The following FLI1 variants were observed in gnomAD, a reference collection of about 807,000 sequenced individuals.
The protein encoded by FLI1 is Fli-1 proto-oncogene, ETS transcription factor.
A neutral mutation model predicts 53.1 loss-of-function variants in FLI1; 13 were observed. That is an observed-to-expected ratio of 0.24 (90% CI 0.16 to 0.39). FLI1 has a LOEUF of 0.39. FLI1 is among the 10% of genes least tolerant of loss of function. FLI1 has a pLI of 1.00. For synonymous variants in FLI1, 244 were observed against 236.7 expected, an observed-to-expected ratio of 1.03 and a Z score of -0.28; for missense variants, 424 against 600.5, an observed-to-expected ratio of 0.71 and a Z score of 3.07.
chr11:128,799,976 A>G lies in FLI1; in HGVS notation c.656-5390A>G, dbSNP rs80097119. Reference sequence around the variant, plus strand: ...ACGTCATAACCTGTCGGACAGCCCAACAACAAAGACCGCCGCTCACCTGCA... The same window carrying G: ...ACGTCATAACCTGTCGGACAGCCCAGCAACAAAGACCGCCGCTCACCTGCA... On this transcript the variant is annotated intron_variant, in intron 5 of 8. Coordinates refer to ENST00000527786, the MANE Select transcript of FLI1 (RefSeq NM_002017.5). Among the ~76,000 whole-genome samples, 1,217 of 152,280 alleles carry G rather than the reference A, an allele frequency of 8.0e-3. 11 individuals are homozygous for G. The highest frequency in any genetic ancestry group is 0.028 in the African/African-American group (1,175 of 41,550).
Position 128,809,153 on chromosome 11 carries a change from T to G in FLI1, c.782-4T>G, listed in dbSNP as rs1942867380. On this transcript the variant is annotated splice_polypyrimidine_tract_variant and splice_region_variant and intron_variant, in intron 7 of 8. Transcript: ENST00000527786. Reference sequence around the variant, plus strand: ...GAAGCAAATTTCCTTTTTTATTTCCTTAGATCCGTATCAGATCCTGGGCCC... The same window carrying G: ...GAAGCAAATTTCCTTTTTTATTTCCGTAGATCCGTATCAGATCCTGGGCCC... 1.9e-6 allele frequency: 3 copies of G among 1,613,602 alleles called. No homozygotes were observed. The Admixed American group carries it at 5.0e-5, about 27-fold the overall frequency.
intron 1 of FLI1, among the ~76,000 whole-genome samples, chr11:128,737,531 A>G (rs1020301553): frequency 6.6e-6 from 1 of 152,224 alleles, no homozygotes; most frequent in African/African-American, 2.4e-5. Flanking sequence ...TGTGAACAAG[A>G]CATTTCTATT....
At chr11:128,764,788 G>A (rs976210560) in intron 2 of FLI1, 5 of 1,593,628 alleles carry the variant, frequency 3.1e-6, no homozygotes, top group Non-Finnish European at 4.2e-6. Context: ...GGAGCTGCAA[G>A]AATGGAGGGA....
intron 8 of FLI1, 111 bp downstream of exon 8, chr11:128,809,315 C>T: frequency 4.5e-6 from 4 of 897,310 alleles, no homozygotes; most frequent in Admixed American, 1.9e-5. Flanking sequence ...GTAACATGCA[C>T]GTCTTTCCTT....
rs1295929600 is a variant in FLI1, at chr11:128,772,937, C to T, written c.541C>T (p.Leu181Phe). 13 of 1,613,888 alleles carry T rather than the reference C, an allele frequency of 8.1e-6. No individual in the cohort carries two copies. Among genetic ancestry groups the T allele is most frequent in the Non-Finnish European group, 1.0e-5 (12 of 1,179,908 alleles). Residue 181 changes from leucine to phenylalanine, a missense_variant, in exon 4 of 9, where the codon CTC becomes TTC. Physicochemically the swap from Leu to Phe is conservative, Grantham distance 22. This residue lies in a region of FLI1 where 114 missense variants were observed against 117.9 expected (regional missense o/e 0.97). Transcript: ENST00000527786. ...NKEDFLRATTLYNTEVLLSHL... is the reference protein window; with the variant it reads ...NKEDFLRATTFYNTEVLLSHL... ...GGAGGACTTCCTCCGCGCCACCACCCTCTACAACACGGAAGTGCTGTTGTC... is the reference window on the plus strand; with the variant it reads ...GGAGGACTTCCTCCGCGCCACCACCTTCTACAACACGGAAGTGCTGTTGTC...
At chr11:128,765,622 G>C (rs1941310593) in intron 2 of FLI1, among the ~76,000 whole-genome samples, 1 of 152,144 alleles carries the variant, frequency 6.6e-6, no homozygotes, top group African/African-American at 2.4e-5. Flanking sequence ...GTGCAGTGTG[G>C]AGCCCACCTC....
chr11:128,784,185 A>G (rs918579069), intron 5 of FLI1, among the ~76,000 whole-genome samples: 4 of 149,990 alleles, frequency 2.7e-5, no homozygotes, highest in Non-Finnish European at 5.9e-5. Context: ...TAGTTTAGAA[A>G]CTGGTTTAGC....
chr11:128,687,293 G>A (rs1357630977), intron 1 of FLI1, among the ~76,000 whole-genome samples: 1 of 151,734 alleles, frequency 6.6e-6, no homozygotes, highest in Non-Finnish European at 1.5e-5. Context: ...TTCCACAACA[G>A]TTTCCAAGAA....
chr11:128,694,382 C>A, intron 1 of FLI1, 106 bp downstream of exon 1: 1 of 894,556 alleles, frequency 1.1e-6, no homozygotes, highest in Non-Finnish European at 1.5e-6. Flanking sequence ...GCCTCTCTCC[C>A]TTCCCTCCGC....
At chr11:128,713,697 G>A (rs1938886981) in intron 1 of FLI1, among the ~76,000 whole-genome samples, 1 of 152,078 alleles carries the variant, frequency 6.6e-6, no homozygotes, top group African/African-American at 2.4e-5. Context: ...TGCCTCGGGA[G>A]GGCACAACGT....
chr11:128,787,962 A>G (rs1942146858), intron 5 of FLI1, among the ~76,000 whole-genome samples: 2 of 151,716 alleles, frequency 1.3e-5, no homozygotes, highest in Non-Finnish European at 1.5e-5. Context: ...GCCCGCCACC[A>G]CGCCCAGCTA....
intron 1 of FLI1, among the ~76,000 whole-genome samples, chr11:128,740,528 C>A (rs1940090234): frequency 6.6e-6 from 1 of 152,202 alleles, no homozygotes; most frequent in Non-Finnish European, 1.5e-5. Context: ...ACTTTTTCCC[C>A]CACTTGCCCT....
At position 128,810,258 on chromosome 11, in the gene FLI1, C is replaced by T. The variant is rs10488706; in HGVS notation, c.830-201C>T. Among the ~76,000 whole-genome samples the T allele has an allele frequency of 0.064, 9,692 of 151,808 alleles. 457 individuals carry two copies. The highest frequency in any genetic ancestry group is 0.17 in the East Asian group (890 of 5,118). On this transcript the variant is annotated intron_variant, in intron 8 of 8. Transcript: ENST00000527786. This position sits in a 1 kb window ranked among gnomAD's most constrained non-coding sequence, Gnocchi z 6.6. Reference sequence around the variant, plus strand: ...GGCAAAGCATCTTAGGATCTAACCTCGCTTATTATACCCATCTCCAAGGCA... The same window carrying T: ...GGCAAAGCATCTTAGGATCTAACCTTGCTTATTATACCCATCTCCAAGGCA...
At chr11:128,782,492 C>T (rs1362008385) in intron 5 of FLI1, among the ~76,000 whole-genome samples, 2 of 152,056 alleles carry the variant, frequency 1.3e-5, no homozygotes, top group Non-Finnish European at 2.9e-5. Context: ...GTCAGGAGTT[C>T]GAAGCCCAGC....
chr11:128,721,168 T>C (rs1428071102), intron 1 of FLI1, among the ~76,000 whole-genome samples: 1 of 152,192 alleles, frequency 6.6e-6, no homozygotes, highest in East Asian at 1.9e-4. Context: ...CTCACCCCTG[T>C]AGGATGCACC....
chr11:128,731,386 G>A (rs1939692143), intron 1 of FLI1, among the ~76,000 whole-genome samples: 1 of 152,154 alleles, frequency 6.6e-6, no homozygotes, highest in African/African-American at 2.4e-5. Flanking sequence ...ACACCAGCGA[G>A]CCAGTGTGCT....
intron 1 of FLI1, among the ~76,000 whole-genome samples, chr11:128,712,552 C>T (rs1268266062): frequency 1.3e-5 from 2 of 152,144 alleles, no homozygotes; most frequent in East Asian, 3.8e-4. Flanking sequence ...CTTACAGTTC[C>T]ACATGGCTAG....
chr11:128,688,668 A>G (rs573966202), intron 1 of FLI1, among the ~76,000 whole-genome samples: 1 of 152,210 alleles, frequency 6.6e-6, no homozygotes, highest in Admixed American at 6.5e-5. Context: ...CTGGGCTCTG[A>G]GGGGTCCCAC....
At chr11:128,693,654 G>C (rs1035920664), upstream of FLI1, 3 of 230,892 alleles carry the variant, frequency 1.3e-5, no homozygotes, top group South Asian at 5.4e-4. Flanking sequence ...AGAAGCCAAA[G>C]GTCTTTGGCT....
Sources: allele counts gnomAD v4.1 joint callset (sites outside exome capture counted in the v4.1 genomes callset), GRCh38; gene constraint gnomAD v4.1.1; regional missense constraint gnomAD v4.1.1; non-coding constraint Gnocchi (gnomAD v3.1); transcripts MANE v1.5; gene names NCBI Gene and HGNC (gene_info 2026-07-23, HGNC 2026-07-21).